The following MYRFL variants were observed in gnomAD, a reference collection of about 807,000 sequenced individuals.
MYRFL encodes myelin regulatory factor like, also known as myelin regulatory factor-like protein.
A neutral mutation model predicts 109.4 loss-of-function variants in MYRFL; 88 were observed. The observed-to-expected ratio is 0.80, with a 90% CI of 0.68 to 0.96. MYRFL has a LOEUF of 0.96. Among genes scored for constraint, MYRFL ranks in the 40% least tolerant of loss-of-function variants. MYRFL has a pLI of 0.00. For missense variants in MYRFL, 957 were observed against 954.9 expected (o/e 1.00, Z -0.03); for synonymous variants, 324 against 320.9 (o/e 1.01, Z -0.10).
rs1883572780 is a variant in MYRFL at position 69,846,704 on chromosome 12, T to C, written c.47-8576T>C. On this transcript the variant is annotated intron_variant, in intron 1 of 24. Transcript: ENST00000552032. ...GCAGCATGATTTATGGTCCTTTGGG[T>C]ATATACCCAGTAATGGGATGGCTGG... Among the ~76,000 whole-genome samples, 5 of 152,162 alleles carry C rather than the reference T, an allele frequency of 3.3e-5. No individual in the cohort carries two copies. In the South Asian group the frequency reaches 1.0e-3, roughly 32 times the overall value.
At chr12:69,956,169 T>A (rs1956090152) in intron 22 of MYRFL, among the ~76,000 whole-genome samples, 1 of 142,996 alleles carries the variant, frequency 7.0e-6, no homozygotes, top group Non-Finnish European at 1.5e-5. Flanking sequence ...GACACTTGGG[T>A]TTAGAGTTTC....
At chr12:69,901,524 A>G (rs1354076364) in intron 10 of MYRFL, among the ~76,000 whole-genome samples, 11 of 152,230 alleles carry the variant, frequency 7.2e-5, no homozygotes, top group Admixed American at 2.6e-4. Flanking sequence ...AAAAAATTAA[A>G]TCCACTTATA....
At chr12:69,930,966 A>G (rs1955255072) in intron 15 of MYRFL, among the ~76,000 whole-genome samples, 1 of 152,190 alleles carries the variant, frequency 6.6e-6, no homozygotes, top group Admixed American at 6.5e-5. Flanking sequence ...TAGTAATTCT[A>G]TGCACACCTT....
At chr12:69,838,341 GCCT>G (rs1688492487) in intron 1 of MYRFL, among the ~76,000 whole-genome samples, 1 of 151,950 alleles carries the variant, frequency 6.6e-6, no homozygotes, top group African/African-American at 2.4e-5. Context: ...TTCCTCCTCT[GCCT>G]CCTCCTCTTC....
At chr12:69,857,084 GTATGTGGATGTCCAATT>G (rs1314724872) in intron 2 of MYRFL, among the ~76,000 whole-genome samples, 1 of 151,552 alleles carries the variant, frequency 6.6e-6, no homozygotes, top group Non-Finnish European at 1.5e-5. Flanking sequence ...TAGTTTCTTT[GTATGTGGATGTCCAATT>G]ATCCTGGAAT....
chr12:69,842,450 C>G (rs1883298654), intron 1 of MYRFL, among the ~76,000 whole-genome samples: 1 of 135,694 alleles, frequency 7.4e-6, no homozygotes, highest in African/African-American at 2.6e-5. Flanking sequence ...TATTCTACAT[C>G]CTGTTCTGGA....
chr12:69,825,253 G>T lies in MYRFL; in HGVS notation c.-265G>T. The T allele has an allele frequency of 1.6e-6, 1 of 637,376 alleles. No homozygotes were observed. The highest frequency in any genetic ancestry group is 2.8e-6 in the Non-Finnish European group (1 of 352,466). The allele number at this position is 637,376 out of a possible 1,614,324, so 39.5% of individuals were successfully genotyped here. ...GAGTAGAAACAGTTCCTTATATTAAGACAGATGAATTTGCTACCTCTTCCC... is the reference window on the plus strand; with the variant it reads ...GAGTAGAAACAGTTCCTTATATTAATACAGATGAATTTGCTACCTCTTCCC... On this transcript the variant is annotated 5_prime_UTR_variant, in exon 1 of 25. Transcript: ENST00000552032.
At chr12:69,872,689 T>C (rs894540295) in intron 2 of MYRFL, among the ~76,000 whole-genome samples, 7 of 151,924 alleles carry the variant, frequency 4.6e-5, no homozygotes, top group East Asian at 1.9e-4. Flanking sequence ...TTAGTAGAGA[T>C]GGGGTTTCAC....
chr12:69,951,492 A>ATCTCGGC (rs1955975298), intron 19 of MYRFL, among the ~76,000 whole-genome samples: 1 of 146,122 alleles, frequency 6.8e-6, no homozygotes, highest in African/African-American at 2.6e-5. Flanking sequence ...CAATGGCGCA[A>ATCTCGGC]TCTCGGCTCA....
In MYRFL at chr12:69,952,799, G is replaced by A. The variant is rs1384502625; in HGVS notation, c.2288G>A (p.Trp763Ter). 5 of 1,520,814 alleles carry A rather than the reference G, an allele frequency of 3.3e-6. No individual in the cohort carries two copies. Among genetic ancestry groups the A allele is most frequent in the Non-Finnish European group, 8.8e-7 (1 of 1,136,544 alleles). The allele number at this position is 1,520,814 out of a possible 1,614,324, so 94.2% of individuals were successfully genotyped here. Residue 763 changes from tryptophan (W) to a stop codon, truncating the protein, a stop_gained and splice_region_variant, in exon 21 of 25, where the codon TGG becomes TAG. Transcript: ENST00000552032. LOFTEE classifies it high-confidence loss of function. ...ALSGPDWESD[W>*]IDTTISSIQI... ...CTTTGTCTATTTCTTCTCAATTCAG[G>A]GATTGATACAACCATCAGTTCTATT...
At chr12:69,938,965 G>T (rs538641229) in intron 19 of MYRFL, among the ~76,000 whole-genome samples, 447 of 152,292 alleles carry the variant, frequency 2.9e-3, no homozygotes, top group Non-Finnish European at 4.1e-3. Flanking sequence ...ACTCCCACCC[G>T]AATACTGCGC....
intron 13 of MYRFL, among the ~76,000 whole-genome samples, chr12:69,911,358 G>A (rs1954563761): frequency 6.6e-6 from 1 of 152,142 alleles, no homozygotes; most frequent in South Asian, 2.1e-4. Context: ...ATTACACAAT[G>A]TGTTTCTTCT....
At chr12:69,829,695 G>A (rs1412871713) in intron 1 of MYRFL, among the ~76,000 whole-genome samples, 3 of 152,124 alleles carry the variant, frequency 2.0e-5, no homozygotes, top group Non-Finnish European at 2.9e-5. Flanking sequence ...TAGCAGAATG[G>A]TCCGGTGAAT....
chr12:69,936,116 T>C lies in MYRFL; in HGVS notation c.1920T>C (p.Ala640=). The change falls in exon 17 of 25, where the codon GCT becomes GCC. Residue 640 remains alanine (A), a synonymous_variant. Transcript: ENST00000552032. ...TTTTTTTTTTTTTTTTTGACAGTGC[T>C]TTGACGATAGTTGCCCTCTATATAC... ...ITLIAVMAFC[A]LTIVALYILS... 1 of 1,334,756 alleles carries C rather than the reference T, an allele frequency of 7.5e-7. No homozygotes were observed. Among genetic ancestry groups the C allele is most frequent in the Non-Finnish European group, 1.0e-6 (1 of 981,302 alleles). The allele number at this position is 1,334,756 out of a possible 1,614,324, so 82.7% of individuals were successfully genotyped here.
chr12:69,852,579 A>ATTTTTTTTTTTTTTTTTTTTTTT (rs61145700), intron 1 of MYRFL, among the ~76,000 whole-genome samples: 1 of 112,212 alleles, frequency 8.9e-6, no homozygotes, highest in Non-Finnish European at 1.8e-5. Context: ...TTAATTTTTA[A>ATTTTTTTTTTTTTTTTTTTTTTT]TTTTTTTTTT....
chr12:69,861,586 G>A (rs556543619), intron 2 of MYRFL, among the ~76,000 whole-genome samples: 1 of 152,170 alleles, frequency 6.6e-6, no homozygotes, highest in African/African-American at 2.4e-5. Context: ...CCCACTTTTT[G>A]ATGGGGTTGT....
At chr12:69,849,971 T>C (rs1202956351) in intron 1 of MYRFL, among the ~76,000 whole-genome samples, 5 of 152,206 alleles carry the variant, frequency 3.3e-5, no homozygotes, top group African/African-American at 1.2e-4. Flanking sequence ...AATCTCATCT[T>C]GTAGCTCCCA....
chr12:69,922,102 G>A (rs1388053584), intron 13 of MYRFL, among the ~76,000 whole-genome samples: 1 of 152,074 alleles, frequency 6.6e-6, no homozygotes, highest in Non-Finnish European at 1.5e-5. Context: ...TGACAGTCCT[G>A]CGTGGTAGAT....
chr12:69,922,478 C>G (rs1170073631), intron 13 of MYRFL, among the ~76,000 whole-genome samples: 1 of 151,992 alleles, frequency 6.6e-6, no homozygotes, highest in African/African-American at 2.4e-5. Context: ...GTATAAAAAA[C>G]TAGAGAGAAT....
Sources: allele counts gnomAD v4.1 joint callset (sites outside exome capture counted in the v4.1 genomes callset), GRCh38; gene constraint gnomAD v4.1.1; transcripts MANE v1.5; gene names NCBI Gene and HGNC (gene_info 2026-07-23, HGNC 2026-07-21).